Variants in XIRP2 observed in about 807,000 individuals in gnomAD.
The protein encoded by XIRP2 is xin actin binding repeat containing 2.
Under a neutral mutation model 277.0 loss-of-function variants are expected in XIRP2, and 236 were observed. The observed-to-expected ratio is 0.85, with a 90% CI of 0.77 to 0.95. The LOEUF (loss-of-function observed/expected upper bound fraction) is 0.95. Among genes scored for constraint, XIRP2 ranks in the 40% least tolerant of loss-of-function variants. The pLI, the probability that XIRP2 is intolerant of heterozygous loss-of-function variation, is 0.00. For missense variants in XIRP2, 4,640 were observed against 4,157.5 expected (o/e 1.12, Z -3.19); for synonymous variants, 1,490 against 1,416.5 (o/e 1.05, Z -1.17).
intron 3 of XIRP2, among the ~76,000 whole-genome samples, chr2:167,209,010 G>A (rs920778034): frequency 1.3e-5 from 2 of 152,070 alleles, no homozygotes; most frequent in Non-Finnish European, 2.9e-5. Flanking sequence ...GTGATTTGTG[G>A]GAATCTCTTT....
chr2:166,917,406 AT>A (rs1197032680), intron 2 of XIRP2, among the ~76,000 whole-genome samples: 3 of 152,122 alleles, frequency 2.0e-5, no homozygotes, highest in Non-Finnish European at 4.4e-5. Context: ...TTGTGGTGTA[AT>A]TTGTTTTTAA....
chr2:167,198,519 A>G (rs1285825232), intron 3 of XIRP2, among the ~76,000 whole-genome samples: 5 of 152,198 alleles, frequency 3.3e-5, no homozygotes, highest in Admixed American at 1.3e-4. Flanking sequence ...CACATTAGAA[A>G]AACATAAAGC....
chr2:167,086,000 T>G (rs1303223462), intron 2 of XIRP2, among the ~76,000 whole-genome samples: 33 of 152,220 alleles, frequency 2.2e-4, no homozygotes, highest in Admixed American at 1.6e-3. Context: ...GTTAGCTGGT[T>G]ATTTTGCTCG....
intron 3 of XIRP2, among the ~76,000 whole-genome samples, chr2:167,206,098 A>G (rs1184435544): frequency 6.6e-6 from 1 of 152,148 alleles, no homozygotes; most frequent in African/African-American, 2.4e-5. Context: ...TTGTTTCTTT[A>G]CTACAGACAC....
Position 167,243,921 on chromosome 2 carries a change from G to A in XIRP2, c.2529G>A (p.Trp843Ter), listed in dbSNP as rs1224479716. Reference sequence around the variant, plus strand: ...GTACAGATGTCTCCAGAAAGTGTTGGATGTTTGAAACCCAGCCATTAGACA... The same window carrying A: ...GTACAGATGTCTCCAGAAAGTGTTGAATGTTTGAAACCCAGCCATTAGACA... ...IIGTDVSRKCWMFETQPLDIL... is the reference protein window; with the variant it reads ...IIGTDVSRKC The change falls in exon 9 of 11, where the codon TGG (tryptophan) becomes TGA (stop). Residue 843 changes from tryptophan to a stop codon, truncating the protein, a stop_gained. Coordinates refer to ENST00000409195, the MANE Select transcript of XIRP2 (RefSeq NM_152381.6). LOFTEE classifies it high-confidence loss of function. The A allele has an allele frequency of 1.2e-6, 2 of 1,613,964 alleles. No homozygotes were observed. Among genetic ancestry groups the A allele is most frequent in the Non-Finnish European group, 1.7e-6 (2 of 1,179,954 alleles).
intron 3 of XIRP2, among the ~76,000 whole-genome samples, chr2:167,197,947 A>G (rs1693564742): frequency 6.6e-6 from 1 of 152,216 alleles, no homozygotes; most frequent in Non-Finnish European, 1.5e-5. Flanking sequence ...ATTTAATAAA[A>G]ATAAGTTTGC....
At chr2:166,952,903 C>T (rs1220001669) in intron 2 of XIRP2, among the ~76,000 whole-genome samples, 1 of 151,932 alleles carries the variant, frequency 6.6e-6, no homozygotes, top group Non-Finnish European at 1.5e-5. Context: ...TCTGTTTCAT[C>T]ATGACTCTTT....
At chr2:166,914,426 T>C (rs1684804465) in intron 2 of XIRP2, among the ~76,000 whole-genome samples, 2 of 152,278 alleles carry the variant, frequency 1.3e-5, no homozygotes, top group East Asian at 1.9e-4. Flanking sequence ...CTGCAAGCTC[T>C]GCCTCCCAGG....
intron 5 of XIRP2, among the ~76,000 whole-genome samples, chr2:167,220,934 A>G (rs918109287): frequency 3.3e-5 from 5 of 152,204 alleles, no homozygotes; most frequent in African/African-American, 1.2e-4. Context: ...AATAAAAATC[A>G]TGCCCTAGAA....
rs1419866305 is a variant in XIRP2, at chr2:167,251,756, C to T, written c.10364C>T (p.Pro3455Leu). ...TCTGGCTGTGACTTCAAGCATGCCC[C>T]ACCAACCTATGAGGATGTCATTGCT... is the stretch of plus-strand genomic sequence containing the variant. ...GKSGCDFKHA[P>L]PTYEDVIAGH... Residue 3455 changes from proline (P) to leucine (L), a missense_variant, in exon 9 of 11, where the codon CCA (proline) becomes CTA (leucine). Coordinates refer to ENST00000409195, the MANE Select transcript of XIRP2 (RefSeq NM_152381.6). The T allele has an allele frequency of 6.2e-7, 1 of 1,613,338 alleles. No individual in the cohort carries two copies. Among genetic ancestry groups the T allele is most frequent in the Non-Finnish European group, 8.5e-7 (1 of 1,179,568 alleles).
In XIRP2 at chr2:167,035,252, G is replaced by A. The variant is rs145049290; in HGVS notation, c.409-100657G>A. On this transcript the variant is annotated intron_variant, in intron 2 of 10. Coordinates refer to ENST00000409195, the MANE Select transcript of XIRP2 (RefSeq NM_152381.6). ...CGACTTTGGATCTGGGAAACAGGCA[G>A]AAGTTGGAACATTTTGGAAGGCTCA... Among the ~76,000 whole-genome samples the A allele has an allele frequency of 2.0e-3, 311 of 152,304 alleles. 3 individuals carry two copies. Among genetic ancestry groups the A allele is most frequent in the African/African-American group, 7.4e-3 (306 of 41,562 alleles).
intron 2 of XIRP2, among the ~76,000 whole-genome samples, chr2:167,023,403 G>T (rs1159976297): frequency 6.6e-6 from 1 of 151,830 alleles, no homozygotes; most frequent in Non-Finnish European, 1.5e-5. Flanking sequence ...CATTTTGTAG[G>T]TTGCCTGTTC....
intron 2 of XIRP2, among the ~76,000 whole-genome samples, chr2:166,943,609 G>A (rs1329674196): frequency 6.6e-6 from 1 of 152,174 alleles, no homozygotes; most frequent in Non-Finnish European, 1.5e-5. Context: ...GAGGGGCATG[G>A]GACTGAAGTC....
In XIRP2 at chr2:167,246,670, C is replaced by T; in HGVS notation, c.5278C>T (p.Gln1760Ter). ...IEAGALDYLK[Q>*]LHTESNETLT... Reference sequence around the variant, plus strand: ...AGCTGGAGCTTTGGATTATCTGAAACAACTCCACACAGAGTCAAATGAAAC... The same window carrying T: ...AGCTGGAGCTTTGGATTATCTGAAATAACTCCACACAGAGTCAAATGAAAC... The change falls in exon 9 of 11, where the codon CAA becomes TAA. Residue 1760 changes from glutamine to a stop codon, truncating the protein, a stop_gained. Coordinates refer to ENST00000409195, the MANE Select transcript of XIRP2 (RefSeq NM_152381.6). LOFTEE classifies it high-confidence loss of function. 6.2e-7 allele frequency: 1 copy of T among 1,613,650 alleles called. No individual in the cohort carries two copies.
intron 3 of XIRP2, among the ~76,000 whole-genome samples, chr2:167,142,283 C>G (rs570721333): frequency 2.0e-5 from 3 of 152,298 alleles, no homozygotes; most frequent in Non-Finnish European, 4.4e-5. Flanking sequence ...GGCACAATGG[C>G]TCACGCTTAT....
At chr2:167,176,411 C>A (rs1016862918) in intron 3 of XIRP2, among the ~76,000 whole-genome samples, 8 of 152,194 alleles carry the variant, frequency 5.3e-5, no homozygotes, top group African/African-American at 1.7e-4. Context: ...CTGCATTGAT[C>A]TCGCTGGAGC....
At position 167,250,664 on chromosome 2, in the gene XIRP2, CTG is replaced by C. The variant is rs748277121; in HGVS notation, c.9274_9275del (p.Val3092SerfsTer2). ...CAAGTAGCAGCTCATCATGAAGCAA[CTG>C]TTCGTAGTCACGTGAAAACCCATCA... is the stretch of plus-strand genomic sequence containing the variant. On this transcript the variant is annotated frameshift_variant, in exon 9 of 11. Coordinates refer to ENST00000409195, the MANE Select transcript of XIRP2 (RefSeq NM_152381.6). LOFTEE classifies it high-confidence loss of function. The C allele has an allele frequency of 9.9e-6, 16 of 1,613,582 alleles. No homozygotes were observed. In the South Asian group the frequency reaches 1.6e-4, roughly 17 times the overall value.
intron 2 of XIRP2, among the ~76,000 whole-genome samples, chr2:167,017,527 T>C (rs1687864707): frequency 1.3e-5 from 2 of 151,960 alleles, no homozygotes; most frequent in African/African-American, 4.8e-5. Flanking sequence ...GTAGCATCCA[T>C]ATTTTTGTAG....
At chr2:166,909,761 A>C (rs540880344) in intron 2 of XIRP2, among the ~76,000 whole-genome samples, 1 of 152,254 alleles carries the variant, frequency 6.6e-6, no homozygotes, top group Admixed American at 6.5e-5. Context: ...GTTTGTCATA[A>C]ATAGCTCTTA....
Sources: allele counts gnomAD v4.1 joint callset (sites outside exome capture counted in the v4.1 genomes callset), GRCh38; gene constraint gnomAD v4.1.1; transcripts MANE v1.5; gene names NCBI Gene and HGNC (gene_info 2026-07-23, HGNC 2026-07-21).